NKAIN3: variants seen among roughly 807,000 people sequenced by gnomAD.
NKAIN3 encodes sodium/potassium-transporting ATPase subunit beta-1-interacting protein 3.
Under a neutral mutation model 30.2 loss-of-function variants are expected in NKAIN3, and 25 were observed. The observed-to-expected ratio is 0.83, with a 90% CI of 0.60 to 1.16. The LOEUF (loss-of-function observed/expected upper bound fraction) is 1.16, where lower values mean the gene tolerates loss of function less well. Ranked by LOEUF, NKAIN3 falls within the 50% of genes most tolerant of loss-of-function variation. The pLI is 0.00. For missense variants in NKAIN3, 225 were observed against 254.1 expected (o/e 0.89, Z 0.78); for synonymous variants, 91 against 89.6 (o/e 1.02, Z -0.09).
At chr8:62,741,362 A>AAAGAGAGAGAAGGAAG in intron 3 of NKAIN3, among the ~76,000 whole-genome samples, 1 of 138,032 alleles carries the variant, frequency 7.2e-6, no homozygotes, top group Middle Eastern at 3.8e-3. Flanking sequence ...AGAGAGAGAA[A>AAAGAGAGAGAAGGAAG]GAAGGAAGGA....
intron 1 of NKAIN3, among the ~76,000 whole-genome samples, chr8:62,335,297 A>G (rs1249288119): frequency 1.3e-5 from 2 of 151,792 alleles, no homozygotes; most frequent in African/African-American, 4.8e-5. Flanking sequence ...GTGGTGACTC[A>G]TGCCTGTTAT....
At chr8:62,302,071 C>G (rs1417288368) in intron 1 of NKAIN3, among the ~76,000 whole-genome samples, 2 of 152,012 alleles carry the variant, frequency 1.3e-5, no homozygotes. Context: ...TACAAGGCTT[C>G]CAAGATGAAT....
chr8:62,949,333 T>C (rs552042223), intron 5 of NKAIN3, among the ~76,000 whole-genome samples: 3 of 152,282 alleles, frequency 2.0e-5, no homozygotes, highest in African/African-American at 7.2e-5. Flanking sequence ...CATAAACAAA[T>C]AGAAAAGTTG....
intron 1 of NKAIN3, among the ~76,000 whole-genome samples, chr8:62,534,503 C>CA (rs1168204351): frequency 6.6e-6 from 1 of 152,090 alleles, no homozygotes; most frequent in African/African-American, 2.4e-5. Context: ...TTCACACCCC[C>CA]AAAACCAACA....
intron 1 of NKAIN3, among the ~76,000 whole-genome samples, chr8:62,447,011 A>G (rs1468313625): frequency 1.3e-5 from 2 of 152,092 alleles, no homozygotes; most frequent in African/African-American, 2.4e-5. Context: ...GACATTAGAA[A>G]TCTAATACTT....
rs1275634356 is a variant in NKAIN3 at position 62,961,202 on chromosome 8, A to T, written c.604-4152A>T. On this transcript the variant is annotated intron_variant, in intron 6 of 6. Transcript: ENST00000623646. ...AGGCTGAGGCAGGAGAACCACTTGA[A>T]CCCGGAGGCAGAGGTTTCAGTGAGC... Among the ~76,000 whole-genome samples, 5 of 151,860 alleles carry T rather than the reference A, an allele frequency of 3.3e-5. No individual in the cohort carries two copies. The East Asian group carries it at 9.7e-4, about 29-fold the overall frequency.
chr8:62,556,160 A>G (rs141404535), intron 1 of NKAIN3, among the ~76,000 whole-genome samples: 2,084 of 152,110 alleles, frequency 0.014, 44 homozygotes, highest in African/African-American at 0.047. Flanking sequence ...TGACTGAATA[A>G]AATAATATTA....
At chr8:62,638,044 C>T (rs1174442745) in intron 3 of NKAIN3, among the ~76,000 whole-genome samples, 1 of 152,148 alleles carries the variant, frequency 6.6e-6, no homozygotes, top group Non-Finnish European at 1.5e-5. Flanking sequence ...GTATGAATAA[C>T]ATTTTCTGCC....
intron 1 of NKAIN3, among the ~76,000 whole-genome samples, chr8:62,317,303 CTTT>C (rs1380844209): frequency 1.3e-5 from 2 of 152,154 alleles, no homozygotes; most frequent in Non-Finnish European, 2.9e-5. Context: ...TCAATTTTGA[CTTT>C]TGTTGCCATT....
intron 4 of NKAIN3, among the ~76,000 whole-genome samples, chr8:62,870,630 C>T (rs1352229341): frequency 7.4e-5 from 6 of 81,458 alleles, no homozygotes; most frequent in Admixed American, 6.4e-4. Flanking sequence ...ACAAAATAAA[C>T]TCTATTTTAT....
At chr8:62,437,458 A>G (rs903404946) in intron 1 of NKAIN3, among the ~76,000 whole-genome samples, 25 of 152,210 alleles carry the variant, frequency 1.6e-4, no homozygotes, top group Admixed American at 1.6e-3. Flanking sequence ...CCTCCATTTT[A>G]GCTACAGATG....
intron 1 of NKAIN3, among the ~76,000 whole-genome samples, chr8:62,376,935 T>C (rs1379116126): frequency 6.6e-6 from 1 of 152,182 alleles, no homozygotes; most frequent in African/African-American, 2.4e-5. Flanking sequence ...ACTTTATATA[T>C]ATTTTGATTT....
At chr8:62,449,753 T>A (rs1805585906) in intron 1 of NKAIN3, among the ~76,000 whole-genome samples, 2 of 152,144 alleles carry the variant, frequency 1.3e-5, no homozygotes, top group African/African-American at 4.8e-5. Context: ...GATGAGTTTT[T>A]GTCTCATTGA....
intron 3 of NKAIN3, among the ~76,000 whole-genome samples, chr8:62,735,452 A>C (rs746266108): frequency 6.8e-6 from 1 of 147,062 alleles, no homozygotes; most frequent in Admixed American, 6.8e-5. Flanking sequence ...TCTCCAGTGC[A>C]TTTTGCATTT....
At chr8:62,272,457 G>A (rs1028943254) in intron 1 of NKAIN3, among the ~76,000 whole-genome samples, 1 of 152,114 alleles carries the variant, frequency 6.6e-6, no homozygotes, top group Non-Finnish European at 1.5e-5. Context: ...GTCTCTCTCT[G>A]GGTTCTCCGA....
chr8:62,997,653 T>C (rs1334250352), intron 5 of NKAIN3, among the ~76,000 whole-genome samples: 2 of 152,068 alleles, frequency 1.3e-5, no homozygotes, highest in Non-Finnish European at 2.9e-5. Context: ...GGGATTGACA[T>C]GCTTTCATTT....
intron 1 of NKAIN3, among the ~76,000 whole-genome samples, chr8:62,549,205 A>C (rs959132946): frequency 6.6e-6 from 1 of 152,166 alleles, no homozygotes; most frequent in African/African-American, 2.4e-5. Context: ...TATACATTTT[A>C]ATATTTTCTC....
chr8:62,320,632 C>A (rs60636518), intron 1 of NKAIN3, among the ~76,000 whole-genome samples: 26 of 152,080 alleles, frequency 1.7e-4, no homozygotes, highest in South Asian at 6.2e-4. Context: ...ATTGAAAATT[C>A]TTTTCTTTAA....
chr8:62,365,796 G>A (rs1304020836), intron 1 of NKAIN3, among the ~76,000 whole-genome samples: 1 of 151,850 alleles, frequency 6.6e-6, no homozygotes, highest in African/African-American at 2.4e-5. Flanking sequence ...AATCTTTTGA[G>A]TGTGAAGTGA....
Sources: allele counts gnomAD v4.1 joint callset (sites outside exome capture counted in the v4.1 genomes callset), GRCh38; gene constraint gnomAD v4.1.1; transcripts MANE v1.5; gene names NCBI Gene and HGNC (gene_info 2026-07-23, HGNC 2026-07-21).